The following MTMR3 variants were observed in gnomAD, a reference collection of about 807,000 sequenced individuals.
The protein encoded by MTMR3 is phosphatidylinositol-3,5-bisphosphate 3-phosphatase MTMR3.
In MTMR3, 32 loss-of-function variants were observed where a neutral mutation model predicts 132.4. The ratio of observed to expected loss-of-function variants is 0.24; its 90% CI spans 0.18 to 0.32. The LOEUF (loss-of-function observed/expected upper bound fraction) is 0.32, where lower values mean the gene tolerates loss of function less well. Among genes scored for constraint, MTMR3 ranks in the 10% least tolerant of loss-of-function variants. The pLI is 1.00. For synonymous variants in MTMR3, 556 were observed against 550.3 expected (o/e 1.01, Z -0.14); for missense variants, 1,216 against 1,489.6 (o/e 0.82, Z 3.02).
At chr22:30,011,940 C>CTT (rs2067440154) in intron 12 of MTMR3, 1 of 156,358 alleles carries the variant, frequency 6.4e-6, no homozygotes, top group African/African-American at 2.4e-5. Flanking sequence ...CTTTTCTTTT[C>CTT]TTTTCTTTTT....
chr22:30,013,177 A>C, intron 13 of MTMR3, 179 bp from the exon 14 acceptor site: 3 of 487,706 alleles, frequency 6.2e-6, no homozygotes, highest in Non-Finnish European at 1.1e-5. Context: ...AGTTCAGGGA[A>C]TTGGGAAATT....
At chr22:29,986,481 T>C in intron 5 of MTMR3, 2 of 674,738 alleles carry the variant, frequency 3.0e-6, no homozygotes, top group Non-Finnish European at 3.6e-6. Context: ...GTTTTATCTC[T>C]GATAAATTGT....
chr22:29,940,196 A>G (rs2065829860), intron 1 of MTMR3, among the ~76,000 whole-genome samples: 1 of 152,108 alleles, frequency 6.6e-6, no homozygotes, highest in South Asian at 2.1e-4. Flanking sequence ...TGAACCCGGG[A>G]GGCGGAACTT....
intron 1 of MTMR3, among the ~76,000 whole-genome samples, chr22:29,931,919 A>G (rs1010217618): frequency 1.3e-5 from 2 of 152,118 alleles, no homozygotes; most frequent in African/African-American, 4.8e-5. Flanking sequence ...AACTCCTGAC[A>G]GCCAGCTCTT....
intron 1 of MTMR3, among the ~76,000 whole-genome samples, chr22:29,954,059 C>CTTTTTTTTTTTTTTT (rs59781649): frequency 2.1e-4 from 17 of 79,430 alleles, no homozygotes; most frequent in African/African-American, 6.3e-4. Flanking sequence ...TCAAATGAGT[C>CTTTTTTTTTTTTTTT]TTTTTTTTTT....
chr22:29,953,881 A>G (rs1223769866), intron 1 of MTMR3, among the ~76,000 whole-genome samples: 2 of 152,046 alleles, frequency 1.3e-5, no homozygotes, highest in Non-Finnish European at 2.9e-5. Flanking sequence ...ATTTAATGCA[A>G]CCACATTACA....
At chr22:29,957,456 T>TATTG (rs1329539972) in intron 2 of MTMR3, among the ~76,000 whole-genome samples, 4 of 134,042 alleles carry the variant, frequency 3.0e-5, no homozygotes, top group African/African-American at 5.3e-5. Flanking sequence ...TTTATTTATT[T>TATTG]ATTGATATAT....
At chr22:30,014,070 A>G (rs906961099) in intron 14 of MTMR3, 3 of 152,720 alleles carry the variant, frequency 2.0e-5, no homozygotes, top group African/African-American at 7.2e-5. Context: ...AAAAATGTGT[A>G]GTGTCTCTCA....
chr22:29,985,965 A>T (rs1703600064), intron 5 of MTMR3: 2 of 152,232 alleles, frequency 1.3e-5, no homozygotes, highest in African/African-American at 4.8e-5. Context: ...TTTGTAGCAA[A>T]GTAGCAAAGG....
At chr22:29,933,951 G>A (rs919334403) in intron 1 of MTMR3, among the ~76,000 whole-genome samples, 3 of 151,948 alleles carry the variant, frequency 2.0e-5, no homozygotes, top group African/African-American at 7.3e-5. Context: ...ATACATATTC[G>A]TCTACTTATT....
intron 16 of MTMR3, 51 bp downstream of exon 16, chr22:30,018,123 T>C: frequency 6.5e-7 from 1 of 1,537,928 alleles, no homozygotes; most frequent in Non-Finnish European, 8.7e-7. Flanking sequence ...GGTGTATTCC[T>C]GTGTTGGGAC....
chr22:29,902,753 T>C (rs1297113398), intron 1 of MTMR3, among the ~76,000 whole-genome samples: 1 of 152,084 alleles, frequency 6.6e-6, no homozygotes, highest in Non-Finnish European at 1.5e-5. Flanking sequence ...TCCCCTCTCC[T>C]CCCCCAAGAT....
rs57853762 is a variant in MTMR3 at position 29,967,917 on chromosome 22, CTGTGTGTG to C, written c.-84-3037_-84-3030del. The stretch of plus-strand genomic sequence containing the variant: ...TTGCTGGATAACTCCATTATATATA[CTGTGTGTG>C]TGTGTGTGTGTGTGTGTGTGTATTT... On this transcript the variant is annotated intron_variant, in intron 2 of 19. Transcript: ENST00000401950. 4.7e-3 allele frequency among the ~76,000 whole-genome samples: 702 copies of C among 148,448 alleles called. 6 individuals are homozygous for C. The highest frequency in any genetic ancestry group is 0.016 in the African/African-American group (645 of 40,230).
intron 5 of MTMR3, chr22:29,986,536 A>G: frequency 1.0e-6 from 1 of 978,546 alleles, no homozygotes; most frequent in South Asian, 4.7e-5. Flanking sequence ...CACAGGTCTC[A>G]GAAGAATTCT....
intron 1 of MTMR3, among the ~76,000 whole-genome samples, chr22:29,923,177 G>C (rs1288670530): frequency 2.0e-5 from 3 of 151,498 alleles, no homozygotes; most frequent in Non-Finnish European, 4.4e-5. Flanking sequence ...GAGTAGCTGG[G>C]ACTACAGGTG....
intron 19 of MTMR3, chr22:30,023,645 G>T: frequency 1.2e-6 from 1 of 821,884 alleles, no homozygotes; most frequent in Non-Finnish European, 2.0e-6. Context: ...AGCAGCTGAG[G>T]AGAGGCCATC....
chr22:29,938,774 G>A (rs1194689840), intron 1 of MTMR3, among the ~76,000 whole-genome samples: 1 of 152,040 alleles, frequency 6.6e-6, no homozygotes, highest in Non-Finnish European at 1.5e-5. Flanking sequence ...AATTTACAGG[G>A]CCTCTTCAAG....
chr22:29,913,093 T>C (rs1015951319), intron 1 of MTMR3, among the ~76,000 whole-genome samples: 4 of 151,782 alleles, frequency 2.6e-5, no homozygotes, highest in Non-Finnish European at 5.9e-5. Flanking sequence ...ATAATAATAA[T>C]AATTATTATC....
intron 2 of MTMR3, among the ~76,000 whole-genome samples, chr22:29,960,424 T>G (rs1001369452): frequency 6.6e-6 from 1 of 152,200 alleles, no homozygotes; most frequent in Non-Finnish European, 1.5e-5. Flanking sequence ...GATATTTGTA[T>G]GCAAGCCTCT....
Sources: gnomAD v4.1 joint callset for allele counts (sites outside exome capture counted in the v4.1 genomes callset) on GRCh38, gnomAD v4.1.1 for gene constraint, MANE v1.5 for transcripts, NCBI Gene and HGNC (gene_info 2026-07-23, HGNC 2026-07-21) for gene names.